ROR2: variants seen among roughly 807,000 people sequenced by gnomAD.
The protein encoded by ROR2 is ROR family WNT receptor 2.
ROR2 carries 33 observed loss-of-function variants against 74.9 expected under a neutral mutation model. The ratio of observed to expected loss-of-function variants is 0.44; its 90% CI spans 0.33 to 0.59. The LOEUF (loss-of-function observed/expected upper bound fraction) is 0.59, where lower values mean the gene tolerates loss of function less well. ROR2 is among the 20% of genes least tolerant of loss of function. The probability of loss-of-function intolerance (pLI) is 0.02; values close to 1 mark genes in which losing one functional copy is unlikely to be tolerated. For missense variants in ROR2, 1,216 were observed against 1,313.8 expected, an observed-to-expected ratio of 0.93 and a Z score of 1.15; for synonymous variants, 586 against 558.7, an observed-to-expected ratio of 1.05 and a Z score of -0.69.
At chr9:91,848,959 A>G (rs1207060969) in intron 1 of ROR2, among the ~76,000 whole-genome samples, 5 of 152,166 alleles carry the variant, frequency 3.3e-5, no homozygotes, top group Non-Finnish European at 4.4e-5. Flanking sequence ...GTCTAGGAAC[A>G]TCAGGACTCT....
intron 2 of ROR2, among the ~76,000 whole-genome samples, chr9:91,766,158 C>T (rs1826051801): frequency 6.6e-6 from 1 of 152,226 alleles, no homozygotes; most frequent in South Asian, 2.1e-4. Context: ...ACAGACACGT[C>T]CACATGTGTG....
chr9:91,858,534 A>G (rs1227601148), intron 1 of ROR2, among the ~76,000 whole-genome samples: 2 of 152,140 alleles, frequency 1.3e-5, no homozygotes, highest in African/African-American at 4.8e-5. Context: ...ACTCACCCAG[A>G]TCTGTGGGTG....
chr9:91,757,664 T>C (rs1564255761), intron 2 of ROR2, 105 bp from the exon 3 acceptor site: 13 of 1,262,506 alleles, frequency 1.0e-5, no homozygotes, highest in Admixed American at 2.0e-5. Context: ...GTTTCGATTT[T>C]TGTCACCTAC....
chr9:91,889,452 T>TG (rs1830370914), intron 1 of ROR2, among the ~76,000 whole-genome samples: 1 of 152,160 alleles, frequency 6.6e-6, no homozygotes, highest in African/African-American at 2.4e-5. Flanking sequence ...TAGACGTGGT[T>TG]GGGGGGTGCC....
intron 1 of ROR2, among the ~76,000 whole-genome samples, chr9:91,888,153 G>A (rs1413109144): frequency 6.6e-6 from 1 of 152,038 alleles, no homozygotes; most frequent in Non-Finnish European, 1.5e-5. Context: ...AAATTTGATG[G>A]CATCAATGCT....
intron 1 of ROR2, among the ~76,000 whole-genome samples, chr9:91,866,285 A>G (rs1829629029): frequency 6.6e-6 from 1 of 151,010 alleles, no homozygotes; most frequent in African/African-American, 2.4e-5. Flanking sequence ...ACACCCAGCT[A>G]ATTTTTATAT....
At chr9:91,904,492 C>T (rs779513182) in intron 1 of ROR2, among the ~76,000 whole-genome samples, 1 of 152,206 alleles carries the variant, frequency 6.6e-6, no homozygotes, top group Non-Finnish European at 1.5e-5. Context: ...AACAGGCCAT[C>T]GCCCTGGAGA....
At chr9:91,727,335 AG>A (rs1837076636) in intron 7 of ROR2, among the ~76,000 whole-genome samples, 1 of 152,224 alleles carries the variant, frequency 6.6e-6, no homozygotes, top group Admixed American at 6.5e-5. Flanking sequence ...AATATGCAAC[AG>A]GGGCACAAGA....
chr9:91,739,194 C>T (rs1411862424), intron 4 of ROR2, among the ~76,000 whole-genome samples: 1 of 152,132 alleles, frequency 6.6e-6, no homozygotes, highest in Non-Finnish European at 1.5e-5. Flanking sequence ...TAGACCATCC[C>T]CAAATGAAAT....
chr9:91,788,684 G>A (rs1300104964), intron 1 of ROR2, among the ~76,000 whole-genome samples: 2 of 152,088 alleles, frequency 1.3e-5, no homozygotes, highest in Admixed American at 6.5e-5. Context: ...GGCCAACATG[G>A]TGAAACCCCC....
At chr9:91,838,438 A>C (rs1337365759) in intron 1 of ROR2, among the ~76,000 whole-genome samples, 1 of 152,192 alleles carries the variant, frequency 6.6e-6, no homozygotes, top group African/African-American at 2.4e-5. Flanking sequence ...CTGACTCACC[A>C]GTCATGCCAC....
intron 1 of ROR2, among the ~76,000 whole-genome samples, chr9:91,865,710 T>C (rs890754650): frequency 3.9e-5 from 6 of 152,196 alleles, no homozygotes; most frequent in African/African-American, 1.4e-4. Flanking sequence ...TACTTTAATT[T>C]TTGGTTGGAG....
At chr9:91,859,462 A>AG (rs1829402660) in intron 1 of ROR2, among the ~76,000 whole-genome samples, 1 of 152,138 alleles carries the variant, frequency 6.6e-6, no homozygotes, top group African/African-American at 2.4e-5. Flanking sequence ...GAAGGCGGCA[A>AG]GGGTATTTTT....
intron 1 of ROR2, among the ~76,000 whole-genome samples, chr9:91,826,279 G>A (rs1287080224): frequency 2.0e-5 from 3 of 152,088 alleles, no homozygotes; most frequent in East Asian, 1.9e-4. Context: ...CAGCAATCAC[G>A]CCATTTCATT....
At chr9:91,756,006 C>G (rs200077677) in intron 4 of ROR2, 65 bp downstream of exon 4, 721 of 1,558,558 alleles carry the variant, frequency 4.6e-4, no homozygotes, top group Non-Finnish European at 5.1e-4. Flanking sequence ...ATTTAAACCC[C>G]GGATTCCTAC....
At chr9:91,777,407 A>AC (rs869195141) in intron 1 of ROR2, among the ~76,000 whole-genome samples, 1 of 149,538 alleles carries the variant, frequency 6.7e-6, no homozygotes, top group African/African-American at 2.5e-5. Context: ...ACACACACAC[A>AC]CCCCATCATC....
chr9:91,913,602 C>T (rs546691493), intron 1 of ROR2, among the ~76,000 whole-genome samples: 1 of 152,260 alleles, frequency 6.6e-6, no homozygotes, highest in East Asian at 1.9e-4. Flanking sequence ...ACCCAGGTAC[C>T]CATAGTTGGC....
chr9:91,736,637 GCT>G (rs1335769823), intron 5 of ROR2, among the ~76,000 whole-genome samples: 6 of 152,214 alleles, frequency 3.9e-5, no homozygotes, highest in African/African-American at 1.4e-4. Context: ...CAGGAGGAGG[GCT>G]CTGTAGGACT....
chr9:91,878,523 G>A (rs28578712), intron 1 of ROR2, among the ~76,000 whole-genome samples: 4,881 of 152,244 alleles, frequency 0.032, 261 homozygotes, highest in African/African-American at 0.11. Flanking sequence ...AGTTTCCTAA[G>A]GACAGAGTCT....
Sources: allele counts gnomAD v4.1 joint callset (sites outside exome capture counted in the v4.1 genomes callset), GRCh38; gene constraint gnomAD v4.1.1; transcripts MANE v1.5; gene names NCBI Gene and HGNC (gene_info 2026-07-23, HGNC 2026-07-21).